STAT1: variants seen among roughly 807,000 people sequenced by gnomAD.
STAT1 encodes signal transducer and activator of transcription 1-alpha/beta.
In STAT1, 24 loss-of-function variants were observed where a neutral mutation model predicts 111.7. The ratio of observed to expected loss-of-function variants is 0.21; its 90% confidence interval spans 0.16 to 0.30. The LOEUF (loss-of-function observed/expected upper bound fraction) is 0.30. STAT1 is among the 10% of genes least tolerant of loss of function. The pLI is 1.00. For missense variants in STAT1, 351 were observed against 911.9 expected (o/e 0.38, Z 7.92); for synonymous variants, 332 against 326.5 (o/e 1.02, Z -0.18).
Position 191,003,588 on chromosome 2 carries a change from T to C in STAT1, c.373-2425A>G, listed in dbSNP as rs1486932112. Among the ~76,000 whole-genome samples the C allele has an allele frequency of 6.6e-6, 1 of 152,212 alleles. No homozygotes were observed. The highest frequency in any genetic ancestry group is 2.1e-4 in the South Asian group (1 of 4,828). The stretch of plus-strand genomic sequence containing the variant: ...GGAGCACCTCTCCCCTGCTTCCTCC[T>C]GCTCTGGCCATGTGATATGTGTGCT... On this transcript the variant is annotated intron_variant, in intron 5 of 24. Coordinates refer to ENST00000361099, the MANE Select transcript of STAT1 (RefSeq NM_007315.4). The surrounding 1 kb of genome is among the most constrained non-coding windows in gnomAD (Gnocchi z 4.0).
At chr2:190,994,963 AC>A in intron 10 of STAT1, 97 bp downstream of exon 10, 6 of 584,044 alleles carry the variant, frequency 1.0e-5, no homozygotes, top group Admixed American at 2.4e-5. Flanking sequence ...TATATAAAAA[AC>A]ACCTATTAAA....
intron 10 of STAT1, chr2:190,992,793 C>CT (rs112075173): frequency 0.073 from 27,228 of 374,880 alleles, 254 homozygotes; most frequent in African/African-American, 0.12. Context: ...TGCATTCTTT[C>CT]TTTTTTTTTT....
rs1033442026 is a variant in STAT1 at position 190,998,869 on chromosome 2, A to G, written c.542-561T>C. Among the ~76,000 whole-genome samples, 1 of 152,110 alleles carries G rather than the reference A, an allele frequency of 6.6e-6. No homozygotes were observed. Among genetic ancestry groups the G allele is most frequent in the Non-Finnish European group, 1.5e-5 (1 of 68,024 alleles). On this transcript the variant is annotated intron_variant, in intron 7 of 24. Transcript: ENST00000361099. This position sits in a 1 kb window ranked among gnomAD's most constrained non-coding sequence, Gnocchi z 4.1. ...TATCTGAACAGAATTCAGATAAAAA[A>G]TGTATACAAAGCATAGCTGTAGCTT...
rs1342292365 is a variant in STAT1, at chr2:190,999,255, C to A, written c.541+371G>T. 6.6e-6 allele frequency among the ~76,000 whole-genome samples: 1 copy of A among 152,088 alleles called. No homozygotes were observed. The highest frequency in any genetic ancestry group is 1.5e-5 in the Non-Finnish European group (1 of 67,996). Reference sequence around the variant, plus strand: ...TCTGTGTCAGTCAGTGGGCTAGGCGCAATAAATATGGTGAGTAACACATAA... The same window carrying A: ...TCTGTGTCAGTCAGTGGGCTAGGCGAAATAAATATGGTGAGTAACACATAA... On this transcript the variant is annotated intron_variant, in intron 7 of 24. Transcript: ENST00000361099. This position sits in a 1 kb window ranked among gnomAD's most constrained non-coding sequence, Gnocchi z 4.1.
Position 190,983,528 on chromosome 2 carries a change from A to G in STAT1, c.1446+114T>C. 1.1e-6 allele frequency: 1 copy of G among 892,278 alleles called. No homozygotes were observed. Among genetic ancestry groups the G allele is most frequent in the Non-Finnish European group, 1.9e-6 (1 of 527,700 alleles). 55.3% of individuals were successfully genotyped at this position (892,278 alleles called of 1,614,324 possible). ...TCAAAAGCCTTAGAAATACCACAGG[A>G]GCTTTGTCACTTCTCCCTTAACAAC... On this transcript the variant is annotated intron_variant, in intron 17 of 24. Transcript: ENST00000361099. The surrounding 1 kb of genome is among the most constrained non-coding windows in gnomAD (Gnocchi z 5.7).
intron 5 of STAT1, among the ~76,000 whole-genome samples, chr2:191,005,898 C>T (rs11885069): frequency 0.11 from 17,005 of 152,170 alleles, 1,507 homozygotes; most frequent in African/African-American, 0.24. Context: ...AAGGTGTTCA[C>T]GGACTCAGGT....
chr2:190,994,363 T>C (rs954002901), intron 10 of STAT1, among the ~76,000 whole-genome samples: 4 of 149,612 alleles, frequency 2.7e-5, no homozygotes, highest in Non-Finnish European at 5.9e-5. Flanking sequence ...AGAATGGAAC[T>C]CTGCTCTGGG....
In STAT1 at chr2:190,970,834, G is replaced by A; in HGVS notation, c.2239-117C>T. ...AAGTAGTAGGAAGATACTTGCAATGGCAAATAAATACCGTGGAATAAGAGG... is the reference window on the plus strand; with the variant it reads ...AAGTAGTAGGAAGATACTTGCAATGACAAATAAATACCGTGGAATAAGAGG... On this transcript the variant is annotated intron_variant, in intron 24 of 24. Transcript: ENST00000361099. The surrounding 1 kb of genome is among the most constrained non-coding windows in gnomAD (Gnocchi z 5.4). 2.0e-6 allele frequency: 2 copies of A among 979,122 alleles called. No homozygotes were observed. The highest frequency in any genetic ancestry group is 1.6e-6 in the Non-Finnish European group (1 of 620,356). 60.7% of individuals were successfully genotyped at this position (979,122 alleles called of 1,614,324 possible). A position where few individuals can be genotyped will look rare whatever the true frequency, so the allele number is the denominator to read the frequency against.
chr2:190,979,622 T>C lies in STAT1; in HGVS notation c.1727+150A>G, dbSNP rs1268341670. 1 of 643,430 alleles carries C rather than the reference T, an allele frequency of 1.6e-6. No individual in the cohort carries two copies. Among genetic ancestry groups the C allele is most frequent in the African/African-American group, 1.9e-5 (1 of 54,022 alleles). The allele number at this position is 643,430 out of a possible 1,614,324, so 39.9% of individuals were successfully genotyped here. On this transcript the variant is annotated intron_variant, in intron 20 of 24. Coordinates refer to ENST00000361099, the MANE Select transcript of STAT1 (RefSeq NM_007315.4). This position sits in a 1 kb window ranked among gnomAD's most constrained non-coding sequence, Gnocchi z 5.8. Reference sequence around the variant, plus strand: ...TAAGGTTAATGTTATGAGGTTCTACTCTTCTGAAGCCCTGAAGGGGCAGCC... The same window carrying C: ...TAAGGTTAATGTTATGAGGTTCTACCCTTCTGAAGCCCTGAAGGGGCAGCC...
Position 190,986,273 on chromosome 2 carries a change from A to G in STAT1, c.1221+581T>C, listed in dbSNP as rs1007435392. 6.6e-6 allele frequency among the ~76,000 whole-genome samples: 1 copy of G among 152,206 alleles called. No individual in the cohort carries two copies. Among genetic ancestry groups the G allele is most frequent in the Non-Finnish European group, 1.5e-5 (1 of 68,042 alleles). ...TGGGCCCAGGGAAAGCTTCGGACTC[A>G]GCACCCACAGAGCCTCACAGCAACT... On this transcript the variant is annotated intron_variant, in intron 14 of 24. Coordinates refer to ENST00000361099, the MANE Select transcript of STAT1 (RefSeq NM_007315.4). The surrounding 1 kb of genome is among the most constrained non-coding windows in gnomAD (Gnocchi z 5.0).
At position 190,993,908 on chromosome 2, in the gene STAT1, G is replaced by A. The variant is rs1355751822; in HGVS notation, c.944+1153C>T. Among the ~76,000 whole-genome samples, 2 of 152,086 alleles carry A rather than the reference G, an allele frequency of 1.3e-5. No individual in the cohort carries two copies. Among genetic ancestry groups the A allele is most frequent in the Non-Finnish European group, 2.9e-5 (2 of 68,024 alleles). On this transcript the variant is annotated intron_variant, in intron 10 of 24. Coordinates refer to ENST00000361099, the MANE Select transcript of STAT1 (RefSeq NM_007315.4). The surrounding 1 kb of genome is among the most constrained non-coding windows in gnomAD (Gnocchi z 4.1). Reference sequence around the variant, plus strand: ...AGGCACTGCGCTAGGTCCTGCTGGGGGAAAAGGGTGACAAAGGCATGTCTC... The same window carrying A: ...AGGCACTGCGCTAGGTCCTGCTGGGAGAAAAGGGTGACAAAGGCATGTCTC...
chr2:190,999,526 T>C lies in STAT1; in HGVS notation c.541+100A>G, dbSNP rs932863728. 28 of 839,496 alleles carry C rather than the reference T, an allele frequency of 3.3e-5. No individual in the cohort carries two copies. The African/African-American group carries it at 3.5e-4, about 11-fold the overall frequency. 52.0% of individuals were successfully genotyped at this position (839,496 alleles called of 1,614,324 possible). A position where few individuals can be genotyped will look rare whatever the true frequency, so the allele number is the denominator to read the frequency against. On this transcript the variant is annotated intron_variant, in intron 7 of 24. Transcript: ENST00000361099. This position sits in a 1 kb window ranked among gnomAD's most constrained non-coding sequence, Gnocchi z 4.1. ...GTTATCAAGGAAGAATTCAGAGTCA[T>C]AAAATACTCGGCAAATAGAAAGGAG...
chr2:191,008,128 A>G (rs1410638680), intron 4 of STAT1: 1 of 389,796 alleles, frequency 2.6e-6, no homozygotes, highest in African/African-American at 2.1e-5. Context: ...ACCAATAGCA[A>G]TAATGGCTCT....
chr2:190,979,737 A>G lies in STAT1; in HGVS notation c.1727+35T>C. On this transcript the variant is annotated intron_variant, in intron 20 of 24. Transcript: ENST00000361099. The surrounding 1 kb of genome is among the most constrained non-coding windows in gnomAD (Gnocchi z 5.8). ...TTGTCTCAACCTCGCAGCACTAAAA[A>G]TATGTTTCAAAATACATCTATCGGT... 6.5e-7 allele frequency: 1 copy of G among 1,540,770 alleles called. No individual in the cohort carries two copies.
rs1223855799 is a variant in STAT1 at position 190,980,550 on chromosome 2, GC to G, written c.1632+69del. On this transcript the variant is annotated intron_variant, in intron 19 of 24. Coordinates refer to ENST00000361099, the MANE Select transcript of STAT1 (RefSeq NM_007315.4). This position sits in a 1 kb window ranked among gnomAD's most constrained non-coding sequence, Gnocchi z 6.1. ...AGCAAACAGTTAAGTAACTATCACA[GC>G]AAGAAACATGAGAACCTCAACCAAG... 5.2e-6 allele frequency: 8 copies of G among 1,528,310 alleles called. No individual in the cohort carries two copies. The East Asian group carries it at 1.6e-4, about 30-fold the overall frequency. 94.7% of individuals were successfully genotyped at this position (1,528,310 alleles called of 1,614,324 possible). A position where few individuals can be genotyped will look rare whatever the true frequency, so the allele number is the denominator to read the frequency against.
chr2:190,998,969 A>G lies in STAT1; in HGVS notation c.541+657T>C, dbSNP rs185232936. 2.2e-3 allele frequency among the ~76,000 whole-genome samples: 332 copies of G among 152,282 alleles called. 1 individual carries two copies. Among genetic ancestry groups the G allele is most frequent in the African/African-American group, 7.4e-3 (307 of 41,562 alleles). On this transcript the variant is annotated intron_variant, in intron 7 of 24. Transcript: ENST00000361099. This position sits in a 1 kb window ranked among gnomAD's most constrained non-coding sequence, Gnocchi z 4.1. ...TATACTTTCTACCCAAATCATACTG[A>G]TAATCTCTGCCTATGAACCATGGTA...
rs937633322 is a variant in STAT1, at chr2:190,980,613, T to G, written c.1632+7A>C. 2 of 1,613,962 alleles carry G rather than the reference T, an allele frequency of 1.2e-6. No homozygotes were observed. The highest frequency in any genetic ancestry group is 2.7e-5 in the African/African-American group (2 of 74,908). ...CTTAGAGAGCATAAAACCCAGACAGTCCTCACCTTACAAAACCTCGTCCAC... is the reference window on the plus strand; with the variant it reads ...CTTAGAGAGCATAAAACCCAGACAGGCCTCACCTTACAAAACCTCGTCCAC... On this transcript the variant is annotated splice_region_variant and intron_variant, in intron 19 of 24. Coordinates refer to ENST00000361099, the MANE Select transcript of STAT1 (RefSeq NM_007315.4). The surrounding 1 kb of genome is among the most constrained non-coding windows in gnomAD (Gnocchi z 6.1).
intron 2 of STAT1, among the ~76,000 whole-genome samples, chr2:191,011,110 G>A (rs1695080313): frequency 2.0e-5 from 3 of 152,166 alleles, no homozygotes; most frequent in African/African-American, 7.2e-5. Context: ...ATGAGGTCAC[G>A]CCTACTCCAC....
chr2:191,005,039 G>A (rs1694575317), intron 5 of STAT1, among the ~76,000 whole-genome samples: 1 of 152,146 alleles, frequency 6.6e-6, no homozygotes, highest in African/African-American at 2.4e-5. Context: ...TCTCTTAAAT[G>A]TATTTTCTAA....
Sources: allele counts gnomAD v4.1 joint callset (sites outside exome capture counted in the v4.1 genomes callset), GRCh38; gene constraint gnomAD v4.1.1; non-coding constraint Gnocchi (gnomAD v3.1); transcripts MANE v1.5; gene names NCBI Gene and HGNC (gene_info 2026-07-23, HGNC 2026-07-21).